STK32B: variants seen among roughly 807,000 people sequenced by gnomAD.
The protein encoded by STK32B is serine/threonine kinase 32B.
Under a neutral mutation model 52.6 loss-of-function variants are expected in STK32B, and 43 were observed. The observed-to-expected ratio is 0.82, with a 90% CI of 0.64 to 1.05. STK32B has a LOEUF of 1.05. Ranked by LOEUF, STK32B falls within the 50% of genes least tolerant of loss-of-function variation. The pLI is 0.00. For missense variants in STK32B, 621 were observed against 534.6 expected (o/e 1.16, Z -1.59); for synonymous variants, 238 against 204.3 (o/e 1.17, Z -1.41).
chr4:5,476,120 G>A (rs1467027915), intron 11 of STK32B, among the ~76,000 whole-genome samples: 4 of 151,894 alleles, frequency 2.6e-5, no homozygotes, highest in Non-Finnish European at 4.4e-5. Context: ...AGCTGGTCTC[G>A]ATCTCCTGAC....
At chr4:5,427,274 T>C (rs1407578289) in intron 6 of STK32B, among the ~76,000 whole-genome samples, 1 of 152,234 alleles carries the variant, frequency 6.6e-6, no homozygotes, top group African/African-American at 2.4e-5. Context: ...CTTTTACATA[T>C]AATCCTTGAA....
chr4:5,040,347 G>A, the STK32B span, among the ~76,000 whole-genome samples: 1 of 150,956 alleles, frequency 6.6e-6, no homozygotes, highest in East Asian at 1.9e-4. Flanking sequence ...TAGAAGGGAA[G>A]TGACTTCTCT....
chr4:5,328,542 C>T (rs930576584), intron 3 of STK32B, among the ~76,000 whole-genome samples: 3 of 152,214 alleles, frequency 2.0e-5, no homozygotes, highest in South Asian at 2.1e-4. Context: ...CATGAGAACA[C>T]ATCCAACCTT....
chr4:5,461,964 G>C (rs1042852005), intron 9 of STK32B, among the ~76,000 whole-genome samples: 6 of 152,194 alleles, frequency 3.9e-5, no homozygotes, highest in African/African-American at 1.4e-4. Context: ...TGGGGACAAA[G>C]TGTCCAGGGC....
intron 2 of STK32B, among the ~76,000 whole-genome samples, chr4:5,150,985 A>G (rs1331492317): frequency 6.6e-6 from 1 of 152,146 alleles, no homozygotes; most frequent in East Asian, 1.9e-4. Flanking sequence ...TTTGTTCCTG[A>G]ACCTTTTGTG....
chr4:5,153,797 C>T (rs1717570215), intron 2 of STK32B, among the ~76,000 whole-genome samples: 1 of 152,064 alleles, frequency 6.6e-6, no homozygotes, highest in African/African-American at 2.4e-5. Context: ...AAAGAAACTA[C>T]AAAATGTCTA....
intron 4 of STK32B, among the ~76,000 whole-genome samples, chr4:5,373,499 T>C (rs1735385628): frequency 6.6e-6 from 1 of 152,182 alleles, no homozygotes; most frequent in Admixed American, 6.5e-5. Flanking sequence ...AGACCTTTTG[T>C]TCTAGCCAGG....
At chr4:5,202,546 C>T (rs190907442) in intron 3 of STK32B, among the ~76,000 whole-genome samples, 1 of 152,362 alleles carries the variant, frequency 6.6e-6, no homozygotes, top group East Asian at 1.9e-4. Context: ...TGTTTCTTCT[C>T]TGCATTGATT....
At chr4:5,120,709 T>C (rs1714978876) in intron 1 of STK32B, among the ~76,000 whole-genome samples, 1 of 152,080 alleles carries the variant, frequency 6.6e-6, no homozygotes, top group African/African-American at 2.4e-5. Flanking sequence ...TTTCCTGTGT[T>C]AGTGACAAAT....
Position 5,491,512 on chromosome 4 carries a change from C to T in STK32B, c.1107-7433C>T, listed in dbSNP as rs1161451530. On this transcript the variant is annotated intron_variant, in intron 11 of 11. Coordinates refer to ENST00000282908, the MANE Select transcript of STK32B (RefSeq NM_018401.3). The stretch of plus-strand genomic sequence containing the variant: ...CAGATGAGTAGGTTGTGAAAATTTT[C>T]TCCCATTTTGTAGGTTGCCTGTTCA... Among the ~76,000 whole-genome samples, 9 of 151,882 alleles carry T rather than the reference C, an allele frequency of 5.9e-5. No homozygotes were observed. In the South Asian group the frequency reaches 6.2e-4, roughly 11 times the overall value.
intron 4 of STK32B, among the ~76,000 whole-genome samples, chr4:5,384,206 C>T (rs1486325039): frequency 1.3e-5 from 2 of 152,128 alleles, no homozygotes; most frequent in Non-Finnish European, 2.9e-5. Context: ...CTGGGTTTTA[C>T]TCTACGGAGA....
intron 4 of STK32B, among the ~76,000 whole-genome samples, chr4:5,351,706 T>G (rs1044945164): frequency 1.3e-5 from 2 of 151,804 alleles, no homozygotes; most frequent in Admixed American, 6.6e-5. Flanking sequence ...AATTGATATG[T>G]CACCAGCTTG....
At chr4:5,260,569 C>G (rs1726646037) in intron 3 of STK32B, among the ~76,000 whole-genome samples, 1 of 152,122 alleles carries the variant, frequency 6.6e-6, no homozygotes, top group Non-Finnish European at 1.5e-5. Flanking sequence ...TAGGAGTACA[C>G]TAGGCTACTA....
At chr4:5,491,168 G>A (rs1345518963) in intron 11 of STK32B, among the ~76,000 whole-genome samples, 6 of 152,166 alleles carry the variant, frequency 3.9e-5, no homozygotes, top group African/African-American at 9.7e-5. Flanking sequence ...CACAATGGTT[G>A]AACTAGTTTA....
chr4:5,110,962 A>C (rs1012967276), intron 1 of STK32B, among the ~76,000 whole-genome samples: 1 of 151,418 alleles, frequency 6.6e-6, no homozygotes, highest in African/African-American at 2.4e-5. Flanking sequence ...AGACATGAAA[A>C]TACATTTTTG....
intron 3 of STK32B, among the ~76,000 whole-genome samples, chr4:5,282,953 G>A (rs1699506870): frequency 6.6e-6 from 1 of 152,022 alleles, no homozygotes; most frequent in Non-Finnish European, 1.5e-5. Flanking sequence ...TGGATAAGAG[G>A]GAAACTACAG....
chr4:5,344,733 A>G (rs1009758567), intron 4 of STK32B, among the ~76,000 whole-genome samples: 1 of 151,428 alleles, frequency 6.6e-6, no homozygotes, highest in African/African-American at 2.4e-5. Flanking sequence ...GCAGTAATAG[A>G]TTAATTCCAA....
At chr4:5,277,412 C>T (rs1361232900) in intron 3 of STK32B, among the ~76,000 whole-genome samples, 1 of 151,664 alleles carries the variant, frequency 6.6e-6, no homozygotes, top group Non-Finnish European at 1.5e-5. Flanking sequence ...TTTAAATTGC[C>T]TTAGAAGTGT....
intron 1 of STK32B, among the ~76,000 whole-genome samples, chr4:5,082,754 T>C (rs1450951985): frequency 6.6e-6 from 1 of 152,070 alleles, no homozygotes; most frequent in Non-Finnish European, 1.5e-5. Flanking sequence ...TTGGAAAATG[T>C]CCAGAAATCA....
Sources: gnomAD v4.1 joint callset for allele counts (sites outside exome capture counted in the v4.1 genomes callset) on GRCh38, gnomAD v4.1.1 for gene constraint, MANE v1.5 for transcripts, NCBI Gene and HGNC (gene_info 2026-07-23, HGNC 2026-07-21) for gene names.